The following MYO1H variants were observed in gnomAD, a reference collection of about 807,000 sequenced individuals.
MYO1H encodes the protein myosin IH.
A neutral mutation model predicts 149.3 loss-of-function variants in MYO1H; 118 were observed. The ratio of observed to expected loss-of-function variants is 0.79; its 90% CI spans 0.68 to 0.92. The LOEUF is 0.92. MYO1H is among the 40% of genes least tolerant of loss of function. MYO1H has a pLI of 0.00. For missense variants in MYO1H, 1,212 were observed against 1,280.7 expected, an observed-to-expected ratio of 0.95 and a Z score of 0.82; for synonymous variants, 447 against 465.2, an observed-to-expected ratio of 0.96 and a Z score of 0.50.
At chr12:109,446,555 G>A (rs2069361224) in intron 31 of MYO1H, 6 of 662,930 alleles carry the variant, frequency 9.1e-6, no homozygotes, top group Admixed American at 1.3e-4. Flanking sequence ...CCTGAGGTCA[G>A]GAGTTCGAGA....
intron 1 of MYO1H, among the ~76,000 whole-genome samples, chr12:109,358,450 T>C (rs1868658412): frequency 6.6e-6 from 1 of 152,158 alleles, no homozygotes. Flanking sequence ...GCTAACTAAT[T>C]TTCCAGATAA....
chr12:109,355,707 CTTTG>C (rs1483726247), intron 1 of MYO1H, among the ~76,000 whole-genome samples: 15 of 149,592 alleles, frequency 1.0e-4, no homozygotes, highest in Admixed American at 9.3e-4. Context: ...TTTGGTTTTT[CTTTG>C]TTTGTTTTTT....
exon 20 of MYO1H, chr12:109,432,962 G>T (rs371707130): frequency 6.2e-7 from 1 of 1,613,956 alleles, no homozygotes; most frequent in South Asian, 1.1e-5. Context: ...GGCGTGGAAC[G>T]GCTGATCAAG....
At chr12:109,312,796 T>G in the MYO1H span, among the ~76,000 whole-genome samples, 33 of 151,258 alleles carry the variant, frequency 2.2e-4, no homozygotes, top group African/African-American at 4.4e-4. Flanking sequence ...TTTTGTTTTT[T>G]TTTTTTTTAA....
intron 1 of MYO1H, among the ~76,000 whole-genome samples, chr12:109,352,026 C>T (rs781392395): frequency 4.6e-5 from 7 of 152,148 alleles, no homozygotes; most frequent in Non-Finnish European, 1.0e-4. Context: ...GCTCTCTTTG[C>T]TTCAGAATGT....
At chr12:109,311,565 G>T in the MYO1H span, among the ~76,000 whole-genome samples, 1 of 152,198 alleles carries the variant, frequency 6.6e-6, no homozygotes, top group Non-Finnish European at 1.5e-5. Context: ...TTTTTAATAA[G>T]TGCCTCAGGT....
chr12:109,333,366 G>A, the MYO1H span, among the ~76,000 whole-genome samples: 72 of 152,154 alleles, frequency 4.7e-4, 1 homozygote, highest in Admixed American at 4.7e-3. Context: ...GGGAGCTTAT[G>A]TTGCATCGTG....
At position 109,409,978 on chromosome 12, in the gene MYO1H, TATAAATTACTGCA is replaced by T. The variant is rs1870594303; in HGVS notation, c.1242_1254del (p.Ile414MetfsTer8). 1 of 1,533,630 alleles carries T rather than the reference TATAAATTACTGCA, an allele frequency of 6.5e-7. No individual in the cohort carries two copies. The highest frequency in any genetic ancestry group is 8.8e-7 in the Non-Finnish European group (1 of 1,137,772). On this transcript the variant is annotated frameshift_variant, in exon 12 of 32. Transcript: ENST00000310903. LOFTEE classifies it high-confidence loss of function. ...GTATCTCTAGTTTTGAACAGTTCTG[TATAAATTACTGCA>T]ATGAGAAACTCCAGCAACTGTTAAT... is the stretch of plus-strand genomic sequence containing the variant.
At chr12:109,405,943 A>C (rs1205188705) in exon 8 of MYO1H, 1 of 1,612,720 alleles carries the variant, frequency 6.2e-7, no homozygotes, top group Admixed American at 1.7e-5. Flanking sequence ...AATTATTGCC[A>C]GTGTCTTACA....
rs1871968516 is a variant in MYO1H, at chr12:109,438,521, A to C, written c.2210-15A>C. 1 of 1,605,020 alleles carries C rather than the reference A, an allele frequency of 6.2e-7. No individual in the cohort carries two copies. The highest frequency in any genetic ancestry group is 1.3e-5 in the African/African-American group (1 of 74,942). On this transcript the variant is annotated splice_polypyrimidine_tract_variant and intron_variant, in intron 22 of 31. Coordinates refer to ENST00000310903, the Ensembl canonical transcript of MYO1H. ...ATTGTGCTCACCTTCTAATGCCAGCAGTGAACTCTTTCAGCCATCAAACTG... is the reference window on the plus strand; with the variant it reads ...ATTGTGCTCACCTTCTAATGCCAGCCGTGAACTCTTTCAGCCATCAAACTG...
chr12:109,430,241 G>A (rs1871552893), intron 19 of MYO1H, among the ~76,000 whole-genome samples: 1 of 152,306 alleles, frequency 6.6e-6, no homozygotes, highest in South Asian at 2.1e-4. Context: ...TGGGGACAGA[G>A]GCAAGGGGAG....
intron 1 of MYO1H, among the ~76,000 whole-genome samples, chr12:109,351,055 G>C (rs952657157): frequency 2.0e-5 from 3 of 152,162 alleles, no homozygotes; most frequent in Non-Finnish European, 4.4e-5. Context: ...ATTAAGCCTT[G>C]AATAGACTCA....
At chr12:109,404,911 A>T (rs1388945338) in intron 7 of MYO1H, among the ~76,000 whole-genome samples, 1 of 151,020 alleles carries the variant, frequency 6.6e-6, no homozygotes, top group Non-Finnish European at 1.5e-5. Flanking sequence ...AATGTAATTT[A>T]AAAACAGCTG....
At chr12:109,369,094 TCTC>T (rs1868930217) in intron 1 of MYO1H, among the ~76,000 whole-genome samples, 1 of 151,990 alleles carries the variant, frequency 6.6e-6, no homozygotes, top group African/African-American at 2.4e-5. Context: ...TTCAAGCAAT[TCTC>T]CTGCCTCAGC....
At chr12:109,367,572 G>A (rs1300387085) in intron 1 of MYO1H, among the ~76,000 whole-genome samples, 1 of 151,956 alleles carries the variant, frequency 6.6e-6, no homozygotes, top group Non-Finnish European at 1.5e-5. Context: ...CTTATTTCGA[G>A]ACAGAGTCTT....
chr12:109,318,972 G>GTT, the MYO1H span, among the ~76,000 whole-genome samples: 149 of 77,238 alleles, frequency 1.9e-3, 4 homozygotes, highest in East Asian at 4.1e-3. Flanking sequence ...TTTTGGTTTT[G>GTT]TTTTTTTTTT....
intron 14 of MYO1H, among the ~76,000 whole-genome samples, chr12:109,414,822 C>G: frequency 6.6e-6 from 1 of 152,090 alleles, no homozygotes; most frequent in East Asian, 1.9e-4. Flanking sequence ...ATCCTCCCAC[C>G]TCGGCCTCCT....
chr12:109,312,381 T>TTTTTGTTTTG, the MYO1H span, among the ~76,000 whole-genome samples: 3,728 of 150,954 alleles, frequency 0.025, 73 homozygotes, highest in African/African-American at 0.049. Flanking sequence ...CCCAGCTAAT[T>TTTTTGTTTTG]TTTTGTTTTG....
At chr12:109,440,030 CA>C (rs1465761176) in intron 24 of MYO1H, among the ~76,000 whole-genome samples, 1 of 151,410 alleles carries the variant, frequency 6.6e-6, no homozygotes, top group African/African-American at 2.4e-5. Flanking sequence ...GTTGTTTAAA[CA>C]GAGCACTTTT....
Sources: allele counts gnomAD v4.1 joint callset (sites outside exome capture counted in the v4.1 genomes callset), GRCh38; gene constraint gnomAD v4.1.1; transcripts MANE v1.5; gene names NCBI Gene and HGNC (gene_info 2026-07-23, HGNC 2026-07-21).